Variants in NPNT observed in about 807,000 individuals in gnomAD.
NPNT encodes preosteoblast EGF-like repeat protein with MAM domain.
A neutral mutation model predicts 68.6 loss-of-function variants in NPNT; 45 were observed. The ratio of observed to expected loss-of-function variants is 0.66; its 90% confidence interval spans 0.52 to 0.84. The LOEUF (loss-of-function observed/expected upper bound fraction) is 0.84, where lower values mean the gene tolerates loss of function less well. Ranked by LOEUF, NPNT falls within the 40% of genes least tolerant of loss-of-function variation. The pLI, the probability that NPNT is intolerant of heterozygous loss-of-function variation, is 0.00. For synonymous variants in NPNT, 233 were observed against 253.3 expected (o/e 0.92, Z 0.76); for missense variants, 672 against 714.8 (o/e 0.94, Z 0.68).
rs747396079 is a variant in NPNT, at chr4:105,967,386, ATGG to A, written c.1548_1550del (p.Gly517del). On this transcript the variant is annotated inframe_deletion, in exon 11 of 12. Transcript: ENST00000379987. ...CACGGAGCAGCCCTGTGGGGAAGAA[ATGG>A]TGGCCATGGCTGGAGGCAAACACAG... 1.9e-5 allele frequency: 31 copies of A among 1,605,624 alleles called. No homozygotes were observed. Among genetic ancestry groups the A allele is most frequent in the Non-Finnish European group, 2.6e-5 (30 of 1,176,442 alleles).
chr4:105,920,249 T>C (rs567765293), intron 2 of NPNT, among the ~76,000 whole-genome samples: 1 of 151,894 alleles, frequency 6.6e-6, no homozygotes, highest in Non-Finnish European at 1.5e-5. Context: ...TTAATTGCTT[T>C]TTGCAACAGA....
chr4:105,960,448 C>A (rs181469303), intron 10 of NPNT, among the ~76,000 whole-genome samples: 1 of 152,062 alleles, frequency 6.6e-6, no homozygotes, highest in Non-Finnish European at 1.5e-5. Flanking sequence ...TGGTCCTCAA[C>A]GCACATTTTG....
chr4:105,896,666 C>T (rs1031317302), intron 1 of NPNT, among the ~76,000 whole-genome samples: 4 of 152,204 alleles, frequency 2.6e-5, no homozygotes, highest in Admixed American at 2.6e-4. Context: ...AAGAAAGATG[C>T]CGCACCTGTT....
chr4:105,961,800 T>G (rs944393983), intron 10 of NPNT, among the ~76,000 whole-genome samples: 1 of 152,204 alleles, frequency 6.6e-6, no homozygotes, highest in Non-Finnish European at 1.5e-5. Flanking sequence ...TTTCTAGAAT[T>G]GGTCCAAGTT....
chr4:105,895,733 G>A lies in NPNT; in HGVS notation c.71+10G>A, dbSNP rs1725768570. 7.1e-6 allele frequency: 11 copies of A among 1,549,490 alleles called. No homozygotes were observed. The highest frequency in any genetic ancestry group is 9.6e-6 in the Non-Finnish European group (11 of 1,145,178). Reference sequence around the variant, plus strand: ...CCGAGTTCGACGGGAGGTGAGCTGGGCCCCGGGGCGCCCTCTCCTCCTTCC... The same window carrying A: ...CCGAGTTCGACGGGAGGTGAGCTGGACCCCGGGGCGCCCTCTCCTCCTTCC... On this transcript the variant is annotated intron_variant, in intron 1 of 11. Coordinates refer to ENST00000379987, the MANE Select transcript of NPNT (RefSeq NM_001033047.3).
At chr4:105,939,692 G>A (rs1201513612) in intron 5 of NPNT, among the ~76,000 whole-genome samples, 1 of 152,114 alleles carries the variant, frequency 6.6e-6, no homozygotes. Context: ...GGTAGTGGTG[G>A]TGGATTAAGA....
rs148587613 is a variant in NPNT at position 105,932,728 on chromosome 4, T to C, written c.266-4281T>C. 1.6e-3 allele frequency: 2,361 copies of C among 1,469,962 alleles called. 6 individuals are homozygous for C. Among genetic ancestry groups the C allele is most frequent in the South Asian group, 3.2e-3 (266 of 82,722 alleles). The allele number at this position is 1,469,962 out of a possible 1,614,324, so 91.1% of individuals were successfully genotyped here. ...GGTGAGCGTGCATTGTCCCAGGTGG[T>C]CTGCTCTTCCCACCTGCATGGCTTC... On this transcript the variant is annotated intron_variant, in intron 3 of 11. Coordinates refer to ENST00000379987, the MANE Select transcript of NPNT (RefSeq NM_001033047.3).
chr4:105,922,848 G>A (rs1297495177), intron 2 of NPNT, among the ~76,000 whole-genome samples: 2 of 152,176 alleles, frequency 1.3e-5, no homozygotes, highest in Non-Finnish European at 2.9e-5. Flanking sequence ...GGGGTAAAAT[G>A]TCTATCATTC....
intron 2 of NPNT, among the ~76,000 whole-genome samples, chr4:105,905,215 A>G (rs1366978766): frequency 1.3e-5 from 2 of 152,176 alleles, no homozygotes; most frequent in Non-Finnish European, 2.9e-5. Flanking sequence ...TACTTTTTGT[A>G]GTGTCCTTAA....
At chr4:105,932,244 A>G (rs1729175654) in intron 3 of NPNT, among the ~76,000 whole-genome samples, 1 of 152,046 alleles carries the variant, frequency 6.6e-6, no homozygotes. Context: ...TAAATAGAGC[A>G]GGTGGATTAT....
At chr4:105,904,684 TA>T (rs1299098604) in intron 2 of NPNT, among the ~76,000 whole-genome samples, 1 of 150,632 alleles carries the variant, frequency 6.6e-6, no homozygotes, top group African/African-American at 2.5e-5. Flanking sequence ...AGTTTAGCCA[TA>T]ATTTTTTTTT....
chr4:105,958,826 C>T (rs1310812180), intron 9 of NPNT: 2 of 558,792 alleles, frequency 3.6e-6, no homozygotes, highest in Non-Finnish European at 6.4e-6. Flanking sequence ...TTTGGCAACA[C>T]TTGTGTGTTC....
rs181181042 is a variant in NPNT, at chr4:105,946,743, A to G, written c.1159+4041A>G. Among the ~76,000 whole-genome samples the G allele has an allele frequency of 3.8e-3, 581 of 152,304 alleles. 4 individuals carry two copies. Among genetic ancestry groups the G allele is most frequent in the African/African-American group, 0.013 (547 of 41,568 alleles). On this transcript the variant is annotated intron_variant, in intron 8 of 11. Coordinates refer to ENST00000379987, the MANE Select transcript of NPNT (RefSeq NM_001033047.3). ...GCTTCTGAGGAAACAGGACAAGGGC[A>G]AAATCACAAACTCCTGATAAGGGTC...
In NPNT at chr4:105,941,798, T is replaced by C. The variant is rs1009729796; in HGVS notation, c.764-509T>C. On this transcript the variant is annotated intron_variant, in intron 7 of 11. Coordinates refer to ENST00000379987, the MANE Select transcript of NPNT (RefSeq NM_001033047.3). ...GTAGAACATTTACTCAAGCTGTATT[T>C]ATGCAAATTGAATTTATATAAAGTG... is the stretch of plus-strand genomic sequence containing the variant. Among the ~76,000 whole-genome samples the C allele has an allele frequency of 1.3e-5, 2 of 152,340 alleles. 1 individual carries two copies. Among genetic ancestry groups the C allele is most frequent in the Admixed American group, 1.3e-4 (2 of 15,300 alleles).
rs565456368 is a variant in NPNT, at chr4:105,945,171, G to C, written c.1159+2469G>C. On this transcript the variant is annotated intron_variant, in intron 8 of 11. Coordinates refer to ENST00000379987, the MANE Select transcript of NPNT (RefSeq NM_001033047.3). ...TTTTTAAATTGATTTTTAATTGACA[G>C]ATAATAACAATATATTTATGGGGTA... is the stretch of plus-strand genomic sequence containing the variant. 8.7e-4 allele frequency among the ~76,000 whole-genome samples: 31 copies of C among 35,764 alleles called. No individual in the cohort carries two copies. In the East Asian group the frequency reaches 0.41, roughly 472 times the overall value. The allele number at this position is 35,764 out of a possible 152,430, so 23.5% of individuals were successfully genotyped here.
At chr4:105,926,221 A>G (rs1330376391) in intron 2 of NPNT, among the ~76,000 whole-genome samples, 8 of 152,198 alleles carry the variant, frequency 5.3e-5, no homozygotes, top group Non-Finnish European at 1.2e-4. Context: ...CACAGATTTC[A>G]TATTGCTGAT....
At chr4:105,915,730 T>G (rs905501652) in intron 2 of NPNT, among the ~76,000 whole-genome samples, 1 of 152,180 alleles carries the variant, frequency 6.6e-6, no homozygotes, top group Admixed American at 6.5e-5. Flanking sequence ...TATGTTCAGT[T>G]TGAAGCGCTT....
intron 10 of NPNT, among the ~76,000 whole-genome samples, chr4:105,966,670 AT>A (rs550640802): frequency 0.02 from 2,901 of 145,380 alleles, 49 homozygotes; most frequent in African/African-American, 0.043. Flanking sequence ...ACGTTTAGAG[AT>A]TTTTTTTTTT....
At chr4:105,898,324 C>CTCTG (rs1560881725) in intron 2 of NPNT, among the ~76,000 whole-genome samples, 44 of 121,018 alleles carry the variant, frequency 3.6e-4, no homozygotes, top group Admixed American at 1.1e-3. Context: ...CTCTCTCTCT[C>CTCTG]TCTGTCTCTC....
Sources: gnomAD v4.1 joint callset for allele counts (sites outside exome capture counted in the v4.1 genomes callset) on GRCh38, gnomAD v4.1.1 for gene constraint, MANE v1.5 for transcripts, NCBI Gene and HGNC (gene_info 2026-07-23, HGNC 2026-07-21) for gene names.